The following DNAH8 variants were observed in gnomAD, a reference collection of about 807,000 sequenced individuals.
DNAH8 encodes axonemal beta dynein heavy chain 8.
DNAH8 carries 382 observed loss-of-function variants against 562.1 expected under a neutral mutation model. The ratio of observed to expected loss-of-function variants is 0.68; its 90% CI spans 0.63 to 0.74. DNAH8 has a LOEUF of 0.74. Ranked by LOEUF, DNAH8 falls within the 30% of genes least tolerant of loss-of-function variation. The pLI, the probability that DNAH8 is intolerant of heterozygous loss-of-function variation, is 0.00. For synonymous variants in DNAH8, 1,881 were observed against 1,919.4 expected (o/e 0.98, Z 0.52); for missense variants, 5,203 against 5,620.4 (o/e 0.93, Z 2.37).
chr6:38,952,922 C>T (rs1290271903), intron 82 of DNAH8: 1 of 152,194 alleles, frequency 6.6e-6, no homozygotes, highest in African/African-American at 2.4e-5. Context: ...CAGAGTGATG[C>T]CTCTCGAGTA....
At chr6:38,858,140 T>G (rs1208115991) in intron 42 of DNAH8, among the ~76,000 whole-genome samples, 1 of 152,184 alleles carries the variant, frequency 6.6e-6, no homozygotes, top group African/African-American at 2.4e-5. Context: ...TAGGCAAAGT[T>G]CTGTAGGGTG....
In DNAH8 at chr6:38,908,029, T is replaced by A. The variant is rs1291613319; in HGVS notation, c.9422T>A (p.Leu3141Gln). The A allele has an allele frequency of 4.3e-6, 7 of 1,612,808 alleles. No homozygotes were observed. The highest frequency in any genetic ancestry group is 5.9e-6 in the Non-Finnish European group (7 of 1,179,468). ...QGLISVMKRE[L>Q]PRHPPTFDNL... ...CTGATTTCAGTGATGAAGAGGGAGC[T>A]ACCTCGCCATCCTCCTACCTTTGAT... Residue 3141 changes from leucine to glutamine, a missense_variant, in exon 64 of 93, where the codon CTA becomes CAA. Transcript: ENST00000327475.
chr6:38,859,017 T>C, intron 42 of DNAH8, among the ~76,000 whole-genome samples: 1 of 152,218 alleles, frequency 6.6e-6, no homozygotes, highest in East Asian at 1.9e-4. Context: ...AGGAAAACTA[T>C]GAAACCATTT....
At position 38,888,049 on chromosome 6, in the gene DNAH8, G is replaced by A. The variant is rs147371029; in HGVS notation, c.8473+1045G>A. On this transcript the variant is annotated intron_variant, in intron 57 of 92. Coordinates refer to ENST00000327475, the MANE Select transcript of DNAH8 (RefSeq NM_001206927.2). ...AGACGGGGTTTCACCACATTGACAG[G>A]GTTGGTCTCGAACTCCTGACCTCAG... Among the ~76,000 whole-genome samples the A allele has an allele frequency of 2.2e-3, 328 of 151,706 alleles. 2 individuals carry two copies. The highest frequency in any genetic ancestry group is 7.6e-3 in the African/African-American group (313 of 41,340).
In DNAH8 at chr6:38,811,450, A is replaced by G. The variant is rs978764035; in HGVS notation, c.3258-2604A>G. Among the ~76,000 whole-genome samples, 6 of 152,310 alleles carry G rather than the reference A, an allele frequency of 3.9e-5. No individual in the cohort carries two copies. The East Asian group carries it at 5.8e-4, about 15-fold the overall frequency. On this transcript the variant is annotated intron_variant, in intron 24 of 92. Transcript: ENST00000327475. ...TGTTATCTTTTTGCCTTTCTGAACT[A>G]CATTATGGGCAGTATCTCTGTATCT...
intron 91 of DNAH8, 60 bp from the exon 92 acceptor site, chr6:39,026,486 C>CT: frequency 6.5e-7 from 1 of 1,533,656 alleles, no homozygotes; most frequent in Non-Finnish European, 8.8e-7. Flanking sequence ...ACATTGCTTC[C>CT]TTCTTGTTTT....
intron 85 of DNAH8, among the ~76,000 whole-genome samples, chr6:38,976,638 T>A (rs961606184): frequency 1.3e-5 from 2 of 152,218 alleles, no homozygotes; most frequent in African/African-American, 4.8e-5. Flanking sequence ...TGTACCAAGA[T>A]ACCTACATGA....
chr6:38,810,034 T>G (rs1771656689), intron 24 of DNAH8, among the ~76,000 whole-genome samples: 1 of 152,224 alleles, frequency 6.6e-6, no homozygotes, highest in African/African-American at 2.4e-5. Context: ...AAAAATATTT[T>G]ATACCTGATA....
rs1463239489 is a variant in DNAH8 at position 38,886,864 on chromosome 6, C to T, written c.8333C>T (p.Thr2778Ile). The change falls in exon 57 of 93, where the codon ACT becomes ATT. Residue 2778 changes from threonine to isoleucine, a missense_variant. By Grantham distance (89) the Thr-to-Ile change is moderately conservative. Transcript: ENST00000327475. ...MYSLDKPGDF[T>I]TIVDVQLIAA... is the part of the protein sequence containing the mutation. ...AGCTTGGACAAGCCTGGAGACTTCA[C>T]TACTATTGTTGATGTGCAGCTCATA... 6.2e-7 allele frequency: 1 copy of T among 1,614,088 alleles called. No individual in the cohort carries two copies. The highest frequency in any genetic ancestry group is 8.5e-7 in the Non-Finnish European group (1 of 1,179,960).
At chr6:38,984,361 AT>A in intron 87 of DNAH8, 54 bp downstream of exon 87, 8 of 1,229,094 alleles carry the variant, frequency 6.5e-6, no homozygotes, top group Non-Finnish European at 9.6e-6. Flanking sequence ...GTATTTTCCA[AT>A]TTTTTTGTTT....
chr6:38,902,636 T>C (rs1006367582), intron 62 of DNAH8, among the ~76,000 whole-genome samples: 2 of 152,196 alleles, frequency 1.3e-5, no homozygotes, highest in Non-Finnish European at 2.9e-5. Context: ...AGTATAAACA[T>C]CTTGCTTCAT....
chr6:38,894,838 C>A lies in DNAH8; in HGVS notation c.8721C>A (p.His2907Gln). 1 of 1,613,910 alleles carries A rather than the reference C, an allele frequency of 6.2e-7. No homozygotes were observed. The highest frequency in any genetic ancestry group is 8.5e-7 in the Non-Finnish European group (1 of 1,179,932). ...CTACTCTCCTGTCCCTTTTCAAACA[C>A]GAGTGCAGCAGAGTAATTGCAGACA... ...SIPTLLSLFK[H>Q]ECSRVIADRF... The change falls in exon 59 of 93, where the codon CAC becomes CAA. Residue 2907 changes from histidine (H) to glutamine (Q), a missense_variant. Transcript: ENST00000327475.
Position 38,848,695 on chromosome 6 carries a change from T to C in DNAH8, c.5093T>C (p.Leu1698Ser), listed in dbSNP as rs746290110. 2 of 1,612,394 alleles carry C rather than the reference T, an allele frequency of 1.2e-6. No homozygotes were observed. Among genetic ancestry groups the C allele is most frequent in the Middle Eastern group, 1.7e-4 (1 of 6,056 alleles). ...AATATCCAGAATTGGGTGTATAAAT[T>C]GTCCACTTCCTCAGATATAATTGAA... ...KKNIQNWVYK[L>S]STSSDIIEEW... Residue 1698 changes from leucine (L) to serine (S), a missense_variant, in exon 37 of 93, where the codon TTG (leucine) becomes TCG (serine). By Grantham distance (145) the Leu-to-Ser change is moderately radical. Around this residue, in one of 6 missense-constraint regions of DNAH8, gnomAD observed 2,176 missense variants for 2,365.1 expected, o/e 0.92. Transcript: ENST00000327475.
intron 9 of DNAH8, among the ~76,000 whole-genome samples, chr6:38,752,811 G>C (rs116239682): frequency 1.2e-4 from 18 of 152,202 alleles, no homozygotes; most frequent in African/African-American, 4.1e-4. Flanking sequence ...TTATCCATCA[G>C]GGAGCACCAT....
At chr6:38,719,489 GT>G (rs1175375151) in intron 1 of DNAH8, among the ~76,000 whole-genome samples, 1 of 151,996 alleles carries the variant, frequency 6.6e-6, no homozygotes, top group African/African-American at 2.4e-5. Flanking sequence ...GAGGTATTTG[GT>G]TTTCTGTTTC....
chr6:38,938,072 GAGATCA>G lies in DNAH8; in HGVS notation c.11670_11675del (p.Lys3890_Ile3891del). On this transcript the variant is annotated inframe_deletion, in exon 78 of 93. Coordinates refer to ENST00000327475, the MANE Select transcript of DNAH8 (RefSeq NM_001206927.2). ...AAAGTTGCATGTGGCTGCAGAAACT[GAGATCA>G]AGATCAACGCGGCTCAGGAGGAGTT... The G allele has an allele frequency of 6.2e-7, 1 of 1,614,048 alleles. No homozygotes were observed. Among genetic ancestry groups the G allele is most frequent in the Non-Finnish European group, 8.5e-7 (1 of 1,180,010 alleles).
intron 62 of DNAH8, among the ~76,000 whole-genome samples, chr6:38,901,715 A>G: frequency 6.6e-6 from 1 of 152,342 alleles, no homozygotes; most frequent in East Asian, 1.9e-4. Flanking sequence ...TTTATAAACA[A>G]ACACACAAAT....
intron 70 of DNAH8, among the ~76,000 whole-genome samples, chr6:38,920,923 C>T (rs1781654044): frequency 1.3e-5 from 2 of 152,110 alleles, no homozygotes; most frequent in South Asian, 2.1e-4. Flanking sequence ...CAGGGTCTCA[C>T]TCTGTCGCCC....
chr6:38,770,554 G>T lies in DNAH8; in HGVS notation c.1759G>T (p.Glu587Ter). The change falls in exon 12 of 93, where the codon GAG (glutamate) becomes TAG (stop). Residue 587 changes from glutamate (E) to a stop codon, truncating the protein, a stop_gained. Transcript: ENST00000327475. LOFTEE classifies it high-confidence loss of function. The part of the protein sequence containing the change: ...GKFEAFCKRL[E>*]KITEMITVVQ... ...ATTTGAAGCTTTTTGCAAAAGACTG[G>T]AGAAGGTAAGCATTATGCAGTCATC... The T allele has an allele frequency of 6.3e-7, 1 of 1,597,794 alleles. No homozygotes were observed. Among genetic ancestry groups the T allele is most frequent in the South Asian group, 1.1e-5 (1 of 87,244 alleles).
Sources: gnomAD v4.1 joint callset for allele counts (sites outside exome capture counted in the v4.1 genomes callset) on GRCh38, gnomAD v4.1.1 for gene constraint, gnomAD v4.1.1 regional missense constraint, MANE v1.5 for transcripts, NCBI Gene and HGNC (gene_info 2026-07-23, HGNC 2026-07-21) for gene names.